Variants in NAALADL2 observed in about 807,000 individuals in gnomAD.
The protein encoded by NAALADL2 is inactive N-acetylated-alpha-linked acidic dipeptidase-like protein 2.
Under a neutral mutation model 87.2 loss-of-function variants are expected in NAALADL2, and 76 were observed. The observed-to-expected ratio is 0.87, with a 90% CI of 0.72 to 1.05. The LOEUF (loss-of-function observed/expected upper bound fraction) is 1.05, where lower values mean the gene tolerates loss of function less well. NAALADL2 is among the 50% of genes least tolerant of loss of function. The pLI, the probability that NAALADL2 is intolerant of heterozygous loss-of-function variation, is 0.00. For synonymous variants in NAALADL2, 354 were observed against 331.0 expected (o/e 1.07, Z -0.75); for missense variants, 1,089 against 945.8 (o/e 1.15, Z -1.99).
At position 175,770,407 on chromosome 3, in the gene NAALADL2, C is replaced by A. The variant is rs555138980; in HGVS notation, c.2189+14989C>A. Among the ~76,000 whole-genome samples, 4 of 152,208 alleles carry A rather than the reference C, an allele frequency of 2.6e-5. No homozygotes were observed. In the South Asian group the frequency reaches 8.3e-4, roughly 32 times the overall value. ...ACTTCAGCTCAAATAATATGATTGA[C>A]AAGGCGAGATTACTTTTGTTATGCA... On this transcript the variant is annotated intron_variant, in intron 13 of 13. Coordinates refer to ENST00000454872, the MANE Select transcript of NAALADL2 (RefSeq NM_207015.3).
At chr3:175,341,360 T>C (rs1762550468) in intron 5 of NAALADL2, among the ~76,000 whole-genome samples, 1 of 152,160 alleles carries the variant, frequency 6.6e-6, no homozygotes, top group South Asian at 2.1e-4. Flanking sequence ...CTGAATACTA[T>C]CCCATTGTGT....
intron 2 of NAALADL2, among the ~76,000 whole-genome samples, chr3:175,230,411 T>C (rs1744770100): frequency 6.6e-6 from 1 of 151,880 alleles, no homozygotes; most frequent in Non-Finnish European, 1.5e-5. Flanking sequence ...ACATATGACC[T>C]AAAAAAGATT....
At chr3:174,781,029 C>T (rs1715906846) in intron 3 of NAALADL2, among the ~76,000 whole-genome samples, 1 of 151,950 alleles carries the variant, frequency 6.6e-6, no homozygotes, top group Non-Finnish European at 1.5e-5. Context: ...ATTTCTCCTT[C>T]CCTTATGAAG....
chr3:174,702,822 G>A (rs1442225524), intron 2 of NAALADL2, among the ~76,000 whole-genome samples: 3 of 152,132 alleles, frequency 2.0e-5, no homozygotes, highest in African/African-American at 7.2e-5. Flanking sequence ...GTTATGCAGT[G>A]CATAACTGTG....
intron 2 of NAALADL2, among the ~76,000 whole-genome samples, chr3:174,587,174 T>C (rs1229908850): frequency 6.6e-6 from 1 of 152,156 alleles, no homozygotes; most frequent in African/African-American, 2.4e-5. Flanking sequence ...TATCCTTTTT[T>C]ATGGCTGCAT....
At chr3:175,295,016 T>C (rs1216050685) in intron 4 of NAALADL2, among the ~76,000 whole-genome samples, 1 of 152,186 alleles carries the variant, frequency 6.6e-6, no homozygotes, top group Non-Finnish European at 1.5e-5. Context: ...AAGATGTGAA[T>C]AGATACTAAA....
chr3:175,202,641 G>C (rs1643944984), intron 2 of NAALADL2, among the ~76,000 whole-genome samples: 6 of 152,108 alleles, frequency 3.9e-5, no homozygotes, highest in Admixed American at 3.9e-4. Flanking sequence ...AGCTGTGGTA[G>C]TATGGAGACG....
At chr3:175,069,981 G>T (rs369840593) in intron 1 of NAALADL2, among the ~76,000 whole-genome samples, 15,257 of 143,854 alleles carry the variant, frequency 0.11, 908 homozygotes, top group East Asian at 0.21. Context: ...ATGGACACAG[G>T]AAGGGGAACA....
intron 11 of NAALADL2, among the ~76,000 whole-genome samples, chr3:175,629,291 C>T (rs536890206): frequency 5.4e-5 from 8 of 148,212 alleles, no homozygotes; most frequent in Non-Finnish European, 9.0e-5. Flanking sequence ...GATGTATACA[C>T]GCAGACACAC....
At chr3:175,470,248 G>C (rs1724666326) in intron 8 of NAALADL2, among the ~76,000 whole-genome samples, 2 of 151,840 alleles carry the variant, frequency 1.3e-5, no homozygotes, top group Non-Finnish European at 2.9e-5. Flanking sequence ...GGGGTATGGA[G>C]GGAACGGGGA....
At chr3:175,414,562 G>A (rs1479059257) in intron 5 of NAALADL2, among the ~76,000 whole-genome samples, 3 of 152,022 alleles carry the variant, frequency 2.0e-5, no homozygotes, top group South Asian at 2.1e-4. Flanking sequence ...TTTCGAAAAC[G>A]TAAAGTCAAA....
At chr3:175,523,059 T>C (rs1262548922) in intron 9 of NAALADL2, among the ~76,000 whole-genome samples, 3 of 152,194 alleles carry the variant, frequency 2.0e-5, no homozygotes, top group Admixed American at 6.5e-5. Context: ...ACATATGGGA[T>C]TTTTCTGGTT....
intron 2 of NAALADL2, among the ~76,000 whole-genome samples, chr3:175,192,377 A>G (rs977707494): frequency 3.3e-5 from 5 of 152,116 alleles, no homozygotes; most frequent in Admixed American, 3.3e-4. Flanking sequence ...TTCTTATGCT[A>G]TGAATAGTAT....
chr3:175,492,359 AC>A (rs1338475579), intron 9 of NAALADL2, among the ~76,000 whole-genome samples: 1 of 152,282 alleles, frequency 6.6e-6, no homozygotes, highest in East Asian at 1.9e-4. Context: ...GCTTTGAGAG[AC>A]AGGATACTTT....
At chr3:175,089,645 T>G (rs963042805) in intron 1 of NAALADL2, among the ~76,000 whole-genome samples, 2 of 152,226 alleles carry the variant, frequency 1.3e-5, no homozygotes, top group Admixed American at 1.3e-4. Context: ...ATTGTCACTC[T>G]GTACATCAAA....
chr3:175,305,501 C>T (rs573589875), intron 4 of NAALADL2, among the ~76,000 whole-genome samples: 7 of 152,022 alleles, frequency 4.6e-5, no homozygotes, highest in Non-Finnish European at 7.4e-5. Context: ...AGGTTTATGG[C>T]ACATTCTTTA....
chr3:175,318,740 G>A (rs1184000269), intron 4 of NAALADL2, among the ~76,000 whole-genome samples: 1 of 152,106 alleles, frequency 6.6e-6, no homozygotes. Flanking sequence ...TCAAGATACA[G>A]AATATTTCCA....
intron 2 of NAALADL2, among the ~76,000 whole-genome samples, chr3:175,127,368 C>G (rs1233620083): frequency 6.6e-6 from 1 of 152,044 alleles, no homozygotes; most frequent in Admixed American, 6.6e-5. Flanking sequence ...TCCAAAGATT[C>G]ATGAAGTTTA....
At chr3:175,764,578 A>G (rs1015415824) in intron 13 of NAALADL2, among the ~76,000 whole-genome samples, 3 of 151,970 alleles carry the variant, frequency 2.0e-5, no homozygotes, top group Non-Finnish European at 4.4e-5. Flanking sequence ...AAGCAGAAAA[A>G]TAGCAATGTA....
Sources: allele counts gnomAD v4.1 joint callset (sites outside exome capture counted in the v4.1 genomes callset), GRCh38; gene constraint gnomAD v4.1.1; transcripts MANE v1.5; gene names NCBI Gene and HGNC (gene_info 2026-07-23, HGNC 2026-07-21).